Variants in DHRSX observed in about 807,000 individuals in gnomAD.
DHRSX encodes the protein polyprenol dehydrogenase.
A neutral mutation model predicts 34.0 loss-of-function variants in DHRSX; 31 were observed. The observed-to-expected ratio is 0.91, with a 90% CI of 0.69 to 1.23. The LOEUF (loss-of-function observed/expected upper bound fraction) is 1.23. DHRSX is among the 50% of genes most tolerant of loss of function. The pLI, the probability that DHRSX is intolerant of heterozygous loss-of-function variation, is 0.00. For synonymous variants in DHRSX, 201 were observed against 183.8 expected (o/e 1.09, Z -0.76); for missense variants, 414 against 428.1 (o/e 0.97, Z 0.29).
At chrX:2,463,887 G>A (rs2044439341) in intron 1 of DHRSX, among the ~76,000 whole-genome samples, 1 of 152,116 alleles carries the variant, frequency 6.6e-6, no homozygotes, top group Admixed American at 6.5e-5. Flanking sequence ...CACCGAGTAC[G>A]AACTGAAGAC....
At chrX:2,326,726 C>G (rs1448994988) in intron 3 of DHRSX, among the ~76,000 whole-genome samples, 1 of 152,070 alleles carries the variant, frequency 6.6e-6, no homozygotes, top group African/African-American at 2.4e-5. Context: ...CAAAGCAATC[C>G]GTGTCCTCTC....
At chrX:2,394,636 G>A (rs2043385834) in intron 3 of DHRSX, among the ~76,000 whole-genome samples, 1 of 152,178 alleles carries the variant, frequency 6.6e-6, no homozygotes, top group Non-Finnish European at 1.5e-5. Flanking sequence ...GGGAGGCTGA[G>A]GCGGGCAGAT....
At chrX:2,456,119 G>A (rs1180353160) in intron 1 of DHRSX, among the ~76,000 whole-genome samples, 1 of 152,092 alleles carries the variant, frequency 6.6e-6, no homozygotes. Context: ...TCAGGAACAG[G>A]GCACAGTCAA....
intron 6 of DHRSX, among the ~76,000 whole-genome samples, chrX:2,237,548 C>T (rs1045720696): frequency 1.3e-5 from 2 of 151,500 alleles, no homozygotes; most frequent in African/African-American, 4.9e-5. Flanking sequence ...TCTTGTCGTC[C>T]AGGCTGGAGT....
chrX:2,328,620 G>C (rs1328997364), intron 3 of DHRSX, among the ~76,000 whole-genome samples: 1 of 152,034 alleles, frequency 6.6e-6, no homozygotes, highest in Non-Finnish European at 1.5e-5. Context: ...GGGAGAAGAC[G>C]GTGTCTACAA....
chrX:2,474,115 A>C (rs1376735364), intron 1 of DHRSX, among the ~76,000 whole-genome samples: 2 of 152,150 alleles, frequency 1.3e-5, no homozygotes, highest in African/African-American at 4.8e-5. Context: ...AAACAAAAGC[A>C]GCTTACAGGG....
intron 1 of DHRSX, chrX:2,489,083 T>C: frequency 6.2e-7 from 1 of 1,613,830 alleles, no homozygotes; most frequent in Non-Finnish European, 8.5e-7. Flanking sequence ...GGCCAGCATG[T>C]TGTTGATGAC....
At position 2,464,290 on chromosome X, in the gene DHRSX, G is replaced by T. The variant is rs183894343; in HGVS notation, c.109+36527C>A. 1.3e-3 allele frequency among the ~76,000 whole-genome samples: 199 copies of T among 151,764 alleles called. 3 individuals carry two copies. Among genetic ancestry groups the T allele is most frequent in the African/African-American group, 4.5e-3 (186 of 41,284 alleles). On this transcript the variant is annotated intron_variant, in intron 1 of 6. Coordinates refer to ENST00000334651, the MANE Select transcript of DHRSX (RefSeq NM_145177.3). ...ACATTGAAGACGATCCCTAAGCTTG[G>T]GTTAAGGGACCGCTGCCATGTACAC...
chrX:2,431,745 A>C (rs1159799241), intron 1 of DHRSX, among the ~76,000 whole-genome samples: 4 of 152,158 alleles, frequency 2.6e-5, no homozygotes, highest in Non-Finnish European at 4.4e-5. Context: ...ATAAACACTG[A>C]GCAATTCAAT....
chrX:2,400,306 TTC>T lies in DHRSX; in HGVS notation c.286+8437_286+8438del, dbSNP rs748845283. 2.0e-5 allele frequency among the ~76,000 whole-genome samples: 3 copies of T among 152,262 alleles called. No individual in the cohort carries two copies. In the South Asian group the frequency reaches 6.2e-4, roughly 32 times the overall value. On this transcript the variant is annotated intron_variant, in intron 3 of 6. Transcript: ENST00000334651. ...GCCATCAACACTCACATCATCCTTT[TTC>T]CAAGTTTCGCAACCTCCTTAACAAT... is the stretch of plus-strand genomic sequence containing the variant.
intron 3 of DHRSX, among the ~76,000 whole-genome samples, chrX:2,356,775 C>G (rs188100291): frequency 3.9e-5 from 6 of 152,306 alleles, no homozygotes; most frequent in Admixed American, 3.9e-4. Flanking sequence ...TGTAGTTTCT[C>G]TTTCTCATGA....
Position 2,330,741 on chromosome X carries a change from G to GGAAGAAGT in DHRSX, c.287-39139_287-39138insACTTCTTC, listed in dbSNP as rs766712695. ...GGGGAAGGAAGAAGTAGGAGGGGAAGAGGAGGGAAGAGAAGAGGAAAGAAG... is the reference window on the plus strand; with the variant it reads ...GGGGAAGGAAGAAGTAGGAGGGGAAGGAAGAAGTAGGAGGGAAGAGAAGAGGAAAGAAG... On this transcript the variant is annotated intron_variant, in intron 3 of 6. Transcript: ENST00000334651. Among the ~76,000 whole-genome samples, 116 of 151,472 alleles carry GGAAGAAGT rather than the reference G, an allele frequency of 7.7e-4. 5 individuals are homozygous for GGAAGAAGT. The East Asian group carries it at 8.0e-3, about 10-fold the overall frequency.
intron 6 of DHRSX, among the ~76,000 whole-genome samples, chrX:2,225,136 TCA>T (rs1162456994): frequency 1.5e-5 from 2 of 136,848 alleles, no homozygotes; most frequent in African/African-American, 5.6e-5. Flanking sequence ...TCACATGCAC[TCA>T]TTCACATGTA....
At chrX:2,245,721 G>C (rs1040651363) in intron 5 of DHRSX, among the ~76,000 whole-genome samples, 1 of 143,322 alleles carries the variant, frequency 7.0e-6, no homozygotes, top group African/African-American at 2.6e-5. Flanking sequence ...ACTTTGGGAG[G>C]CCAAGGCGGG....
At chrX:2,320,922 G>A (rs2042303850) in intron 3 of DHRSX, among the ~76,000 whole-genome samples, 1 of 152,098 alleles carries the variant, frequency 6.6e-6, no homozygotes, top group Non-Finnish European at 1.5e-5. Flanking sequence ...TGAGGGCTCA[G>A]TGATCCAAAA....
intron 3 of DHRSX, among the ~76,000 whole-genome samples, chrX:2,405,586 G>T (rs759355931): frequency 1.3e-5 from 2 of 151,662 alleles, no homozygotes; most frequent in Non-Finnish European, 2.9e-5. Flanking sequence ...TGAATGGACC[G>T]CTTGAACCCA....
At chrX:2,295,178 T>C (rs112573083) in intron 3 of DHRSX, among the ~76,000 whole-genome samples, 17 of 152,246 alleles carry the variant, frequency 1.1e-4, no homozygotes, top group East Asian at 5.8e-4. Context: ...CCAACCCAAA[T>C]GCCCATCAAT....
chrX:2,260,031 G>C (rs754089522), intron 5 of DHRSX, among the ~76,000 whole-genome samples: 1 of 149,834 alleles, frequency 6.7e-6, no homozygotes, highest in African/African-American at 2.5e-5. Flanking sequence ...CCCTCCAGAG[G>C]CTCTAGGGGA....
chrX:2,298,315 G>GTGT (rs2041958992), intron 3 of DHRSX, among the ~76,000 whole-genome samples: 1 of 106,412 alleles, frequency 9.4e-6, no homozygotes, highest in South Asian at 2.5e-4. Flanking sequence ...CCCAGTTTTG[G>GTGT]TGTTTTTTTT....
Sources: allele counts gnomAD v4.1 joint callset (sites outside exome capture counted in the v4.1 genomes callset), GRCh38; gene constraint gnomAD v4.1.1; transcripts MANE v1.5; gene names NCBI Gene and HGNC (gene_info 2026-07-23, HGNC 2026-07-21).